The following ARHGAP15 variants were observed in gnomAD, a reference collection of about 807,000 sequenced individuals.
ARHGAP15 encodes Rho GTPase activating protein 15, also known as rho GTPase-activating protein 15.
A neutral mutation model predicts 63.7 loss-of-function variants in ARHGAP15; 51 were observed. The observed-to-expected ratio is 0.80, with a 90% confidence interval of 0.64 to 1.01. The LOEUF is 1.01. Among genes scored for constraint, ARHGAP15 ranks in the 50% least tolerant of loss-of-function variants. The probability of loss-of-function intolerance (pLI) is 0.00; values close to 1 mark genes in which losing one functional copy is unlikely to be tolerated. For missense variants in ARHGAP15, 560 were observed against 564.6 expected, an observed-to-expected ratio of 0.99 and a Z score of 0.08; for synonymous variants, 191 against 193.8, an observed-to-expected ratio of 0.99 and a Z score of 0.12.
intron 6 of ARHGAP15, among the ~76,000 whole-genome samples, chr2:143,323,727 T>C (rs1476204230): frequency 6.7e-6 from 1 of 150,344 alleles, no homozygotes; most frequent in South Asian, 2.1e-4. Flanking sequence ...CTACTAAAAA[T>C]ACAAAAAAAA....
chr2:143,160,277 A>G (rs193063601), intron 2 of ARHGAP15, among the ~76,000 whole-genome samples: 51 of 152,092 alleles, frequency 3.4e-4, no homozygotes, highest in Admixed American at 5.9e-4. Flanking sequence ...CTGTTCTTAT[A>G]CACTGCATTC....
At chr2:143,666,923 G>C (rs1358040730) in intron 12 of ARHGAP15, among the ~76,000 whole-genome samples, 2 of 143,238 alleles carry the variant, frequency 1.4e-5, no homozygotes, top group Non-Finnish European at 3.0e-5. Context: ...GGAAACAACA[G>C]GTGCTGGAGA....
At chr2:143,602,639 A>T (rs957302187) in intron 11 of ARHGAP15, among the ~76,000 whole-genome samples, 1 of 152,076 alleles carries the variant, frequency 6.6e-6, no homozygotes, top group African/African-American at 2.4e-5. Context: ...TGGGAGAAAA[A>T]GCAAAGAAGG....
chr2:143,616,418 A>G (rs1357191554), intron 11 of ARHGAP15, among the ~76,000 whole-genome samples: 1 of 152,154 alleles, frequency 6.6e-6, no homozygotes, highest in African/African-American at 2.4e-5. Flanking sequence ...CCTCCTTCCA[A>G]GAGAGTAACT....
intron 11 of ARHGAP15, among the ~76,000 whole-genome samples, chr2:143,595,111 T>A (rs1697462484): frequency 6.6e-6 from 1 of 152,184 alleles, no homozygotes; most frequent in African/African-American, 2.4e-5. Flanking sequence ...ATGGTCCTTC[T>A]GTTTAACCAA....
At chr2:143,763,226 G>A (rs1559165749) in intron 13 of ARHGAP15, among the ~76,000 whole-genome samples, 1 of 152,110 alleles carries the variant, frequency 6.6e-6, no homozygotes, top group Non-Finnish European at 1.5e-5. Flanking sequence ...TTGCAGGATA[G>A]TATTCTAACT....
intron 5 of ARHGAP15, among the ~76,000 whole-genome samples, chr2:143,244,814 G>A (rs1311679105): frequency 1.3e-5 from 2 of 152,108 alleles, no homozygotes; most frequent in African/African-American, 4.8e-5. Context: ...AGAGGTAGAA[G>A]AATTCTTGTG....
intron 12 of ARHGAP15, among the ~76,000 whole-genome samples, chr2:143,678,580 G>A (rs1682939767): frequency 6.6e-6 from 1 of 152,050 alleles, no homozygotes; most frequent in African/African-American, 2.4e-5. Context: ...TAGGTGTCCT[G>A]GTCAATTCAC....
At chr2:143,167,624 C>T (rs989592596) in intron 2 of ARHGAP15, among the ~76,000 whole-genome samples, 1 of 152,072 alleles carries the variant, frequency 6.6e-6, no homozygotes. Flanking sequence ...CCAAGGTCAC[C>T]AACATGTACC....
intron 9 of ARHGAP15, 141 bp from the exon 10 acceptor site, chr2:143,519,125 A>G (rs2104982471): frequency 1.8e-6 from 1 of 565,008 alleles, no homozygotes; most frequent in East Asian, 3.5e-5. Context: ...TATGTCTGCC[A>G]TAGACACTAT....
At chr2:143,153,629 A>G (rs1191323652) in intron 1 of ARHGAP15, among the ~76,000 whole-genome samples, 1 of 151,980 alleles carries the variant, frequency 6.6e-6, no homozygotes, top group Non-Finnish European at 1.5e-5. Flanking sequence ...CAATCAAGGT[A>G]ACAGACATAC....
intron 6 of ARHGAP15, among the ~76,000 whole-genome samples, chr2:143,276,459 G>T (rs890568172): frequency 6.6e-6 from 1 of 152,148 alleles, no homozygotes; most frequent in Non-Finnish European, 1.5e-5. Flanking sequence ...CATTGCTAAT[G>T]TTTATTTAAT....
intron 8 of ARHGAP15, among the ~76,000 whole-genome samples, chr2:143,481,623 G>A (rs1259971366): frequency 2.0e-5 from 3 of 152,200 alleles, no homozygotes; most frequent in South Asian, 2.1e-4. Flanking sequence ...GATATTCGTC[G>A]TCCATCCAGA....
At chr2:143,543,365 T>G (rs1574610931) in intron 10 of ARHGAP15, among the ~76,000 whole-genome samples, 1 of 152,244 alleles carries the variant, frequency 6.6e-6, no homozygotes, top group East Asian at 1.9e-4. Flanking sequence ...ATCTTTTTAG[T>G]TTTTTGCTCA....
At chr2:143,378,613 G>C (rs372156374) in intron 6 of ARHGAP15, among the ~76,000 whole-genome samples, 1 of 152,016 alleles carries the variant, frequency 6.6e-6, no homozygotes, top group East Asian at 1.9e-4. Context: ...TATCATTTTA[G>C]CCAGTTTTTT....
intron 11 of ARHGAP15, among the ~76,000 whole-genome samples, chr2:143,615,789 A>G (rs770222464): frequency 1.3e-5 from 2 of 152,196 alleles, no homozygotes; most frequent in African/African-American, 4.8e-5. Flanking sequence ...TCGAAATTTA[A>G]TCCTATGATT....
chr2:143,491,757 T>C (rs867880507), intron 9 of ARHGAP15, among the ~76,000 whole-genome samples: 5 of 152,352 alleles, frequency 3.3e-5, no homozygotes, highest in South Asian at 2.1e-4. Flanking sequence ...TTTGTCAATG[T>C]CCTTCTTATC....
At chr2:143,383,074 A>C (rs947500420) in intron 6 of ARHGAP15, among the ~76,000 whole-genome samples, 69 of 152,312 alleles carry the variant, frequency 4.5e-4, no homozygotes, top group African/African-American at 1.6e-3. Context: ...TCAAGGTTGC[A>C]GAGGATACCA....
intron 13 of ARHGAP15, among the ~76,000 whole-genome samples, chr2:143,721,357 A>C (rs943625558): frequency 1.3e-5 from 2 of 152,224 alleles, no homozygotes; most frequent in Non-Finnish European, 1.5e-5. Flanking sequence ...AGTGTCCAAA[A>C]TAATAATCCA....
Sources: gnomAD v4.1 joint callset for allele counts (sites outside exome capture counted in the v4.1 genomes callset) on GRCh38, gnomAD v4.1.1 for gene constraint, MANE v1.5 for transcripts, NCBI Gene and HGNC (gene_info 2026-07-23, HGNC 2026-07-21) for gene names.